Variants in LRFN5 observed in about 807,000 individuals in gnomAD.
LRFN5 encodes the protein leucine rich repeat and fibronectin type III domain containing 5.
A neutral mutation model predicts 45.6 loss-of-function variants in LRFN5; 24 were observed. The observed-to-expected ratio is 0.53, with a 90% CI of 0.38 to 0.74. LRFN5 has a LOEUF of 0.74. Among genes scored for constraint, LRFN5 ranks in the 30% least tolerant of loss-of-function variants. The pLI, the probability that LRFN5 is intolerant of heterozygous loss-of-function variation, is 0.00. For synonymous variants in LRFN5, 340 were observed against 313.8 expected, an observed-to-expected ratio of 1.08 and a Z score of -0.88; for missense variants, 776 against 861.5, an observed-to-expected ratio of 0.90 and a Z score of 1.24.
At chr14:41,617,075 T>C (rs933030004) in intron 1 of LRFN5, among the ~76,000 whole-genome samples, 3 of 152,142 alleles carry the variant, frequency 2.0e-5, no homozygotes, top group Non-Finnish European at 4.4e-5. Context: ...GACCTGAGGC[T>C]GAATGAAAGT....
intron 2 of LRFN5, among the ~76,000 whole-genome samples, chr14:41,771,259 T>A (rs1180170857): frequency 6.6e-6 from 1 of 151,104 alleles, no homozygotes; most frequent in African/African-American, 2.4e-5. Flanking sequence ...GCAGGCCCAG[T>A]CTTGAAGATC....
intron 2 of LRFN5, among the ~76,000 whole-genome samples, chr14:41,834,229 T>C (rs1000814349): frequency 2.0e-5 from 3 of 152,222 alleles, no homozygotes; most frequent in Non-Finnish European, 4.4e-5. Flanking sequence ...GGTCTCAATC[T>C]GCATAATAAT....
chr14:41,813,164 A>G (rs1887793875), intron 2 of LRFN5, among the ~76,000 whole-genome samples: 2 of 152,176 alleles, frequency 1.3e-5, no homozygotes, highest in South Asian at 2.1e-4. Flanking sequence ...AACTAACTAC[A>G]GAGAACAATT....
In LRFN5 at chr14:41,893,792, G is replaced by A. The variant is rs1050948330; in HGVS notation, c.2098+1830G>A. ...ATGGGCTTTTTTATTTTAGGCGTTT[G>A]CTAAATCCCTTCTCTGCCCTGATTC... On this transcript the variant is annotated intron_variant, in intron 4 of 5. Coordinates refer to ENST00000298119, the MANE Select transcript of LRFN5 (RefSeq NM_152447.5). The A allele has an allele frequency of 5.1e-6, 5 of 985,148 alleles. No homozygotes were observed. The African/African-American group carries it at 8.7e-5, about 17-fold the overall frequency. 61.0% of individuals were successfully genotyped at this position (985,148 alleles called of 1,614,324 possible).
intron 2 of LRFN5, among the ~76,000 whole-genome samples, chr14:41,801,310 T>A (rs868691235): frequency 6.6e-6 from 1 of 152,174 alleles, no homozygotes; most frequent in Admixed American, 6.6e-5. Flanking sequence ...TTAGATTCTG[T>A]GTATCCAACT....
intron 1 of LRFN5, among the ~76,000 whole-genome samples, chr14:41,723,994 G>C (rs551068863): frequency 3.5e-4 from 54 of 152,252 alleles, no homozygotes; most frequent in African/African-American, 1.3e-3. Flanking sequence ...CTCCAAGTTA[G>C]CTCCAGGTCT....
At chr14:41,739,385 A>AATT (rs1555359228) in intron 1 of LRFN5, among the ~76,000 whole-genome samples, 3 of 148,316 alleles carry the variant, frequency 2.0e-5, no homozygotes, top group African/African-American at 5.0e-5. Flanking sequence ...ACATTGTGTC[A>AATT]ATCATCATCA....
At chr14:41,659,168 C>T (rs1880515008) in intron 1 of LRFN5, among the ~76,000 whole-genome samples, 1 of 152,130 alleles carries the variant, frequency 6.6e-6, no homozygotes, top group Non-Finnish European at 1.5e-5. Context: ...CCATCATCTA[C>T]ATTAGGTATT....
chr14:41,616,005 G>T (rs925683316), intron 1 of LRFN5, among the ~76,000 whole-genome samples: 1 of 152,054 alleles, frequency 6.6e-6, no homozygotes, highest in African/African-American at 2.4e-5. Flanking sequence ...ATCCAAGTTT[G>T]ATCACAGGAT....
At chr14:41,711,097 G>A (rs965193282) in intron 1 of LRFN5, among the ~76,000 whole-genome samples, 6 of 151,960 alleles carry the variant, frequency 3.9e-5, no homozygotes, top group African/African-American at 1.2e-4. Context: ...ATATCCATGA[G>A]TTTCTCTCTG....
chr14:41,609,928 C>G (rs1054482253), intron 1 of LRFN5, among the ~76,000 whole-genome samples: 4 of 152,212 alleles, frequency 2.6e-5, no homozygotes, highest in Non-Finnish European at 4.4e-5. Context: ...TCTAGCTGGC[C>G]GATAGCTGCT....
chr14:41,673,834 G>A (rs926399712), intron 1 of LRFN5, among the ~76,000 whole-genome samples: 4 of 149,058 alleles, frequency 2.7e-5, no homozygotes, highest in African/African-American at 9.9e-5. Flanking sequence ...TGGGGCAGAT[G>A]GCCGGGCGGG....
At chr14:41,843,477 C>T (rs948091463) in intron 2 of LRFN5, among the ~76,000 whole-genome samples, 2 of 151,922 alleles carry the variant, frequency 1.3e-5, no homozygotes, top group Non-Finnish European at 2.9e-5. Context: ...TTTTTGTGTC[C>T]TGTTCATATC....
chr14:41,706,031 A>G (rs1360105860), intron 1 of LRFN5, among the ~76,000 whole-genome samples: 4 of 152,154 alleles, frequency 2.6e-5, no homozygotes, highest in Non-Finnish European at 4.4e-5. Flanking sequence ...CCATATGCAC[A>G]TTGATATCAC....
intron 2 of LRFN5, among the ~76,000 whole-genome samples, chr14:41,800,081 G>A (rs1445150885): frequency 5.3e-5 from 8 of 151,950 alleles, no homozygotes; most frequent in African/African-American, 1.9e-4. Flanking sequence ...ATATATAATT[G>A]ACATCAGCTA....
chr14:41,675,294 G>C lies in LRFN5; in HGVS notation c.-197+66732G>C, dbSNP rs566742857. Among the ~76,000 whole-genome samples, 18 of 152,358 alleles carry C rather than the reference G, an allele frequency of 1.2e-4. No homozygotes were observed. In the East Asian group the frequency reaches 3.3e-3, roughly 28 times the overall value. ...TGTAGCCAGCCGAGATCACGCCACT[G>C]TGCTCCAGTCTGGGCACCATTGAGC... On this transcript the variant is annotated intron_variant, in intron 1 of 5. Transcript: ENST00000298119.
intron 1 of LRFN5, among the ~76,000 whole-genome samples, chr14:41,723,075 A>G (rs1883793562): frequency 6.6e-6 from 1 of 152,194 alleles, no homozygotes. Flanking sequence ...AGTGCTCCAG[A>G]TAGCTGGAAA....
At chr14:41,719,244 T>G (rs1883614252) in intron 1 of LRFN5, among the ~76,000 whole-genome samples, 2 of 152,158 alleles carry the variant, frequency 1.3e-5, no homozygotes, top group African/African-American at 2.4e-5. Context: ...TATGTCTATT[T>G]ATGAAATATG....
At chr14:41,904,097 T>A in intron 5 of LRFN5, 61 bp from the exon 6 acceptor site, 1 of 1,339,022 alleles carries the variant, frequency 7.5e-7, no homozygotes, top group Non-Finnish European at 1.0e-6. Flanking sequence ...TTATTAGCTA[T>A]GTGTTTTCTT....
Sources: gnomAD v4.1 joint callset for allele counts (sites outside exome capture counted in the v4.1 genomes callset) on GRCh38, gnomAD v4.1.1 for gene constraint, MANE v1.5 for transcripts, NCBI Gene and HGNC (gene_info 2026-07-23, HGNC 2026-07-21) for gene names.